GNG7: variants seen among roughly 807,000 people sequenced by gnomAD.
GNG7 encodes the protein G protein subunit gamma 7.
GNG7 carries 1 observed loss-of-function variant against 4.0 expected under a neutral mutation model. The observed-to-expected ratio is 0.25, with a 90% CI of 0.09 to 1.18. The LOEUF (loss-of-function observed/expected upper bound fraction) is 1.18. Ranked by LOEUF, GNG7 falls within the 50% of genes most tolerant of loss-of-function variation. The pLI is 0.50. For missense variants in GNG7, 86 were observed against 91.9 expected, an observed-to-expected ratio of 0.94 and a Z score of 0.26; for synonymous variants, 34 against 36.9, an observed-to-expected ratio of 0.92 and a Z score of 0.29.
intron 3 of GNG7, among the ~76,000 whole-genome samples, chr19:2,536,400 A>G (rs1488444477): frequency 6.6e-6 from 1 of 151,642 alleles, no homozygotes; most frequent in Admixed American, 6.6e-5. Context: ...CCTGGGCAAC[A>G]GGAGCGAAAC....
chr19:2,686,192 C>G (rs780511922), intron 1 of GNG7, among the ~76,000 whole-genome samples: 1 of 151,364 alleles, frequency 6.6e-6, no homozygotes, highest in South Asian at 2.1e-4. Flanking sequence ...GAGTCTCACG[C>G]TGTCGCCCAG....
chr19:2,689,387 C>T (rs1409036717), intron 1 of GNG7, among the ~76,000 whole-genome samples: 1 of 150,026 alleles, frequency 6.7e-6, no homozygotes, highest in Non-Finnish European at 1.5e-5. Flanking sequence ...CTTTGGGAGG[C>T]CAAGGCGGGT....
intron 3 of GNG7, among the ~76,000 whole-genome samples, chr19:2,543,515 G>A (rs1195092517): frequency 2.0e-5 from 3 of 152,062 alleles, no homozygotes; most frequent in African/African-American, 7.2e-5. Context: ...ATGAACCCCC[G>A]CTCCCGGCCT....
At position 2,696,334 on chromosome 19, in the gene GNG7, G is replaced by GAAAGA. The variant is rs1555705075; in HGVS notation, c.-135+6307_-135+6311dup. 3.2e-3 allele frequency among the ~76,000 whole-genome samples: 422 copies of GAAAGA among 133,966 alleles called. 7 individuals are homozygous for GAAAGA. Among genetic ancestry groups the GAAAGA allele is most frequent in the African/African-American group, 0.012 (401 of 33,976 alleles). 87.9% of individuals were successfully genotyped at this position (133,966 alleles called of 152,430 possible). A position where few individuals can be genotyped will look rare whatever the true frequency, so the allele number is the denominator to read the frequency against. The stretch of plus-strand genomic sequence containing the variant: ...AGAAAGAAAGAAAGAAAGAAAGAAA[G>GAAAGA]AAAGAAAGAAAGAAAAGAAAGAAAA... On this transcript the variant is annotated intron_variant, in intron 1 of 4. Transcript: ENST00000382159.
At chr19:2,649,955 T>C (rs1982766706) in intron 1 of GNG7, among the ~76,000 whole-genome samples, 1 of 150,020 alleles carries the variant, frequency 6.7e-6, no homozygotes, top group Non-Finnish European at 1.5e-5. Flanking sequence ...GGTCACACAC[T>C]GTGTGGCCTT....
At chr19:2,607,670 C>G (rs981758687) in intron 2 of GNG7, among the ~76,000 whole-genome samples, 5 of 151,880 alleles carry the variant, frequency 3.3e-5, no homozygotes, top group African/African-American at 1.2e-4. Context: ...CACATAAAAC[C>G]CACTTGGGGC....
chr19:2,693,625 G>A (rs1913182484), intron 1 of GNG7, among the ~76,000 whole-genome samples: 1 of 151,986 alleles, frequency 6.6e-6, no homozygotes, highest in Non-Finnish European at 1.5e-5. Context: ...TCTCTGGGGT[G>A]CGGCCATCCT....
intron 4 of GNG7, among the ~76,000 whole-genome samples, chr19:2,519,974 G>A (rs1978299278): frequency 6.6e-6 from 1 of 152,218 alleles, no homozygotes; most frequent in East Asian, 1.9e-4. Flanking sequence ...GAAGTTAGGA[G>A]TTCAAGACCA....
chr19:2,528,832 G>T (rs1029295154), intron 3 of GNG7, among the ~76,000 whole-genome samples: 6 of 152,352 alleles, frequency 3.9e-5, no homozygotes, highest in African/African-American at 1.4e-4. Flanking sequence ...GTTCCTGTGT[G>T]AGGAAACAGG....
chr19:2,644,465 C>T (rs918791900), intron 2 of GNG7, among the ~76,000 whole-genome samples: 4 of 144,110 alleles, frequency 2.8e-5, no homozygotes, highest in Non-Finnish European at 6.1e-5. Context: ...ATAATTCTTT[C>T]TGAGTATTAT....
chr19:2,640,909 G>A (rs1489809886), intron 2 of GNG7, among the ~76,000 whole-genome samples: 6 of 152,178 alleles, frequency 3.9e-5, no homozygotes, highest in African/African-American at 1.4e-4. Context: ...GATGACAGGC[G>A]TGAGCCACCA....
rs111842544 is a variant in GNG7 at position 2,669,935 on chromosome 19, G to A, written c.-134-23655C>T. On this transcript the variant is annotated intron_variant, in intron 1 of 4. Coordinates refer to ENST00000382159, the MANE Select transcript of GNG7 (RefSeq NM_052847.3). ...TGAGGCATGAGAATCACTTGAACTC[G>A]GGAGGTAGAGGTTGCAGTGAGCTGA... Among the ~76,000 whole-genome samples, 1,494 of 151,462 alleles carry A rather than the reference G, an allele frequency of 9.9e-3. 19 individuals carry two copies. Among genetic ancestry groups the A allele is most frequent in the African/African-American group, 0.035 (1,424 of 41,254 alleles).
chr19:2,551,840 C>T (rs1238840608), intron 3 of GNG7, among the ~76,000 whole-genome samples: 3 of 151,912 alleles, frequency 2.0e-5, no homozygotes, highest in Admixed American at 6.6e-5. Context: ...TGCGTCACCA[C>T]GCCCGGCTAA....
intron 2 of GNG7, among the ~76,000 whole-genome samples, chr19:2,606,655 C>CAA (rs137921403): frequency 9.8e-4 from 29 of 29,466 alleles, no homozygotes; most frequent in African/African-American, 4.5e-3. Flanking sequence ...AACTCTGTCT[C>CAA]AAAAAAAAAT....
chr19:2,522,420 C>T (rs1329196234), intron 3 of GNG7, among the ~76,000 whole-genome samples: 1 of 152,150 alleles, frequency 6.6e-6, no homozygotes, highest in Admixed American at 6.6e-5. Flanking sequence ...CAGAGCCAGG[C>T]AGCCGCAGAG....
At chr19:2,654,089 G>C (rs1038518481) in intron 1 of GNG7, among the ~76,000 whole-genome samples, 1 of 152,168 alleles carries the variant, frequency 6.6e-6, no homozygotes, top group Non-Finnish European at 1.5e-5. Flanking sequence ...TATGCACGAG[G>C]GGGTGAGTTT....
intron 2 of GNG7, among the ~76,000 whole-genome samples, chr19:2,600,412 A>C: frequency 6.6e-6 from 1 of 151,946 alleles, no homozygotes; most frequent in Non-Finnish European, 1.5e-5. Flanking sequence ...AACCTCTGAA[A>C]ACTCCACCAT....
intron 2 of GNG7, among the ~76,000 whole-genome samples, chr19:2,592,858 G>T (rs1179165318): frequency 7.0e-6 from 1 of 142,198 alleles, no homozygotes; most frequent in African/African-American, 2.6e-5. Flanking sequence ...GAGAGAGGCA[G>T]GGGAGAGGAG....
intron 1 of GNG7, among the ~76,000 whole-genome samples, chr19:2,690,101 G>T (rs575756314): frequency 5.3e-5 from 8 of 152,212 alleles, no homozygotes; most frequent in Admixed American, 1.3e-4. Context: ...AAAAATGGAG[G>T]CCGGGCACGG....
Sources: allele counts gnomAD v4.1 joint callset (sites outside exome capture counted in the v4.1 genomes callset), GRCh38; gene constraint gnomAD v4.1.1; transcripts MANE v1.5; gene names NCBI Gene and HGNC (gene_info 2026-07-23, HGNC 2026-07-21).